Variants in PPM1L observed in about 807,000 individuals in gnomAD.
PPM1L encodes the protein protein phosphatase, Mg2+/Mn2+ dependent 1L.
Under a neutral mutation model 31.4 loss-of-function variants are expected in PPM1L, and 13 were observed. That is an observed-to-expected ratio of 0.41 (90% CI 0.27 to 0.66). The LOEUF (loss-of-function observed/expected upper bound fraction) is 0.66. Ranked by LOEUF, PPM1L falls within the 30% of genes least tolerant of loss-of-function variation. The pLI, the probability that PPM1L is intolerant of heterozygous loss-of-function variation, is 0.29. For synonymous variants in PPM1L, 184 were observed against 175.4 expected (o/e 1.05, Z -0.39); for missense variants, 326 against 453.7 (o/e 0.72, Z 2.56).
intron 2 of PPM1L, among the ~76,000 whole-genome samples, chr3:161,048,620 C>T (rs1335605545): frequency 2.0e-5 from 3 of 152,094 alleles, no homozygotes; most frequent in African/African-American, 4.8e-5. Context: ...GCTGTAAAGA[C>T]ACATGCACAC....
intron 2 of PPM1L, among the ~76,000 whole-genome samples, chr3:160,991,840 T>C (rs1357673304): frequency 2.0e-5 from 3 of 152,188 alleles, no homozygotes; most frequent in African/African-American, 4.8e-5. Flanking sequence ...GATACATCTA[T>C]AGTAAATTCA....
intron 1 of PPM1L, among the ~76,000 whole-genome samples, chr3:160,912,569 G>A (rs553316246): frequency 6.6e-6 from 1 of 152,184 alleles, no homozygotes; most frequent in East Asian, 1.9e-4. Flanking sequence ...ACTAAGGTCT[G>A]AAATGCCACC....
intron 1 of PPM1L, among the ~76,000 whole-genome samples, chr3:160,837,951 T>A (rs531515954): frequency 6.6e-6 from 1 of 152,302 alleles, no homozygotes; most frequent in Admixed American, 6.5e-5. Flanking sequence ...GCAAATTATG[T>A]AGCCAGCCCT....
chr3:160,810,843 C>T (rs920159306), intron 1 of PPM1L, among the ~76,000 whole-genome samples: 2 of 152,174 alleles, frequency 1.3e-5, no homozygotes, highest in African/African-American at 4.8e-5. Context: ...CAGTTTGCAA[C>T]ATCTGTTAGG....
intron 2 of PPM1L, among the ~76,000 whole-genome samples, chr3:161,035,210 TAAAA>T (rs63163360): frequency 7.1e-6 from 1 of 139,982 alleles, no homozygotes; most frequent in Non-Finnish European, 1.6e-5. Flanking sequence ...AAAGTATAAT[TAAAA>T]AAAAAAAAAA....
chr3:160,778,521 CA>C (rs1341971380), intron 1 of PPM1L, among the ~76,000 whole-genome samples: 1 of 151,972 alleles, frequency 6.6e-6, no homozygotes, highest in Non-Finnish European at 1.5e-5. Flanking sequence ...GATAAAAATA[CA>C]AAAGTGGTCC....
At chr3:160,979,735 A>G (rs1250253719) in intron 2 of PPM1L, among the ~76,000 whole-genome samples, 1 of 152,022 alleles carries the variant, frequency 6.6e-6, no homozygotes, top group African/African-American at 2.4e-5. Flanking sequence ...TGTATTTTGT[A>G]TTTCTTAAAA....
At chr3:160,882,050 C>CA (rs35341382) in intron 1 of PPM1L, among the ~76,000 whole-genome samples, 58,778 of 125,200 alleles carry the variant, frequency 0.47, 13,055 homozygotes, top group Non-Finnish European at 0.58. Context: ...GACTCTGTCT[C>CA]AAAAAAAAAA....
At chr3:160,766,050 G>T (rs937773184) in intron 1 of PPM1L, among the ~76,000 whole-genome samples, 1 of 151,986 alleles carries the variant, frequency 6.6e-6, no homozygotes, top group Non-Finnish European at 1.5e-5. Flanking sequence ...TTTTTAATAG[G>T]AATCCTCAAA....
At chr3:160,789,681 A>G (rs1380272883) in intron 1 of PPM1L, among the ~76,000 whole-genome samples, 12 of 152,010 alleles carry the variant, frequency 7.9e-5, no homozygotes, top group African/African-American at 9.7e-5. Flanking sequence ...GAAGTTTATC[A>G]AATATGTTTT....
chr3:160,822,593 A>G (rs1228786966), intron 1 of PPM1L, among the ~76,000 whole-genome samples: 8 of 152,110 alleles, frequency 5.3e-5, no homozygotes. Context: ...TTTTGTAGAT[A>G]AACTTCTTTC....
chr3:160,811,422 A>G (rs773986094), intron 1 of PPM1L, among the ~76,000 whole-genome samples: 1 of 152,264 alleles, frequency 6.6e-6, no homozygotes, highest in Non-Finnish European at 1.5e-5. Flanking sequence ...CAGTTTTTGT[A>G]TAGCCTCATG....
intron 1 of PPM1L, among the ~76,000 whole-genome samples, chr3:160,883,920 TC>T (rs1222168685): frequency 1.4e-5 from 2 of 146,812 alleles, no homozygotes; most frequent in Non-Finnish European, 3.0e-5. Context: ...AAAAAAAAAA[TC>T]TATCCAGGCA....
At chr3:160,950,761 G>C (rs1280354893) in intron 1 of PPM1L, among the ~76,000 whole-genome samples, 1 of 152,206 alleles carries the variant, frequency 6.6e-6, no homozygotes, top group Non-Finnish European at 1.5e-5. Flanking sequence ...TACTGTCATA[G>C]CTTCAGAGTT....
intron 2 of PPM1L, among the ~76,000 whole-genome samples, chr3:161,051,304 A>G (rs1490447611): frequency 6.6e-6 from 1 of 152,030 alleles, no homozygotes; most frequent in Non-Finnish European, 1.5e-5. Context: ...TTTCTCCAGA[A>G]AACACCGAGT....
At chr3:161,014,690 T>A (rs1283128043) in intron 2 of PPM1L, among the ~76,000 whole-genome samples, 1 of 152,168 alleles carries the variant, frequency 6.6e-6, no homozygotes, top group Non-Finnish European at 1.5e-5. Context: ...CAGCCTTGTC[T>A]CAAACTCCTG....
rs772395437 is a variant in PPM1L, at chr3:161,077,912, C to G, written c.*8755C>G. ...TTATTTGCTTGCCTGCTCATTTCCC[C>G]TAAACATCTCTGTTTATGCCAATGG... On this transcript the variant is annotated 3_prime_UTR_variant, in exon 4 of 4. Coordinates refer to ENST00000498165, the MANE Select transcript of PPM1L (RefSeq NM_139245.4). 5 of 152,188 alleles carry G rather than the reference C, an allele frequency of 3.3e-5. No individual in the cohort carries two copies. Among genetic ancestry groups the G allele is most frequent in the Non-Finnish European group, 7.3e-5 (5 of 68,034 alleles). The allele number at this position is 152,188 out of a possible 1,614,324, so 9.4% of individuals were successfully genotyped here.
intron 1 of PPM1L, among the ~76,000 whole-genome samples, chr3:160,782,995 G>T (rs76459319): frequency 0.07 from 10,724 of 152,220 alleles, 439 homozygotes; most frequent in Admixed American, 0.11. Flanking sequence ...AACTCCCAGT[G>T]ATTTTTCTTA....
chr3:160,816,196 G>T (rs1456787755), intron 1 of PPM1L, among the ~76,000 whole-genome samples: 2 of 151,790 alleles, frequency 1.3e-5, no homozygotes, highest in African/African-American at 2.4e-5. Flanking sequence ...AAGTATTGGG[G>T]ACAATGGAGA....
Sources: allele counts gnomAD v4.1 joint callset (sites outside exome capture counted in the v4.1 genomes callset), GRCh38; gene constraint gnomAD v4.1.1; transcripts MANE v1.5; gene names NCBI Gene and HGNC (gene_info 2026-07-23, HGNC 2026-07-21).